PCDHGA1: variants seen among roughly 807,000 people sequenced by gnomAD.
The protein encoded by PCDHGA1 is protocadherin gamma-A1.
In PCDHGA1, 32 loss-of-function variants were observed where a neutral mutation model predicts 58.0. The ratio of observed to expected loss-of-function variants is 0.55; its 90% confidence interval spans 0.42 to 0.74. PCDHGA1 has a LOEUF of 0.74. Among genes scored for constraint, PCDHGA1 ranks in the 30% least tolerant of loss-of-function variants. PCDHGA1 has a pLI of 0.00. For missense variants in PCDHGA1, 1,205 were observed against 1,182.3 expected, an observed-to-expected ratio of 1.02 and a Z score of -0.28; for synonymous variants, 498 against 501.1, an observed-to-expected ratio of 0.99 and a Z score of 0.08.
At chr5:141,372,044 GT>G in intron 1 of PCDHGA1, 1 of 1,613,502 alleles carries the variant, frequency 6.2e-7, no homozygotes, top group Non-Finnish European at 8.5e-7. Context: ...GCCTGCGCGT[GT>G]TGGTGGACGA....
chr5:141,406,877 A>T (rs4912750), intron 1 of PCDHGA1, among the ~76,000 whole-genome samples: 9,155 of 152,322 alleles, frequency 0.06, 381 homozygotes, highest in Non-Finnish European at 0.089. Flanking sequence ...ACTGCTGGGA[A>T]GATTCTAAAA....
At chr5:141,500,185 TTTA>T (rs549090582) in intron 2 of PCDHGA1, among the ~76,000 whole-genome samples, 1 of 55,104 alleles carries the variant, frequency 1.8e-5, no homozygotes, top group Non-Finnish European at 3.2e-5. Flanking sequence ...CATTTTTATT[TTTA>T]TTTATTTATT....
At chr5:141,371,369 A>C (rs1370186119) in intron 1 of PCDHGA1, 3 of 1,614,014 alleles carry the variant, frequency 1.9e-6, no homozygotes, top group Non-Finnish European at 2.5e-6. Context: ...AGGATGGTGG[A>C]CATCACACTG....
At chr5:141,441,308 C>T (rs984341964) in intron 1 of PCDHGA1, 2 of 152,164 alleles carry the variant, frequency 1.3e-5, no homozygotes, top group African/African-American at 2.4e-5. Flanking sequence ...TAAGAAAATG[C>T]ACCTTGAGAA....
intron 1 of PCDHGA1, chr5:141,355,087 C>T (rs1052813011): frequency 1.4e-6 from 2 of 1,455,264 alleles, no homozygotes; most frequent in Non-Finnish European, 1.8e-6. Context: ...CAAGCGGAAG[C>T]CCTGAGAGCT....
At chr5:141,359,151 T>G (rs1761131965) in intron 1 of PCDHGA1, among the ~76,000 whole-genome samples, 1 of 152,200 alleles carries the variant, frequency 6.6e-6, no homozygotes, top group East Asian at 1.9e-4. Flanking sequence ...GAATATGATA[T>G]GATGCAGTTA....
chr5:141,410,018 T>C (rs773806211), intron 1 of PCDHGA1: 1 of 1,613,166 alleles, frequency 6.2e-7, no homozygotes, highest in African/African-American at 1.3e-5. Context: ...CTGGCTGTCC[T>C]ACCACGTGCT....
At chr5:141,361,023 A>C (rs1171139053) in intron 1 of PCDHGA1, 1 of 1,613,384 alleles carries the variant, frequency 6.2e-7, no homozygotes. Flanking sequence ...ACTTAAATGA[A>C]AAAACAGGAG....
Position 141,493,957 on chromosome 5 carries a change from G to A in PCDHGA1, c.2422-850G>A, listed in dbSNP as rs1360777586. 6.6e-6 allele frequency among the ~76,000 whole-genome samples: 1 copy of A among 152,228 alleles called. No individual in the cohort carries two copies. The highest frequency in any genetic ancestry group is 2.4e-5 in the African/African-American group (1 of 41,458). On this transcript the variant is annotated intron_variant, in intron 1 of 3. Coordinates refer to ENST00000517417, the MANE Select transcript of PCDHGA1 (RefSeq NM_018912.3). This position sits in a 1 kb window ranked among gnomAD's most constrained non-coding sequence, Gnocchi z 4.3. ...AGACCAGAAGGGACTCAGGAATGAA[G>A]TGGCTGGCCAGAGCCCCACACCTTC... is the stretch of plus-strand genomic sequence containing the variant.
intron 1 of PCDHGA1, chr5:141,375,132 CA>C (rs1265573516): frequency 6.2e-7 from 1 of 1,613,834 alleles, no homozygotes; most frequent in Non-Finnish European, 8.5e-7. Context: ...GTGGTTGTTA[CA>C]TCTGGAAGCA....
chr5:141,477,854 C>T lies in PCDHGA1; in HGVS notation c.2422-16953C>T. Reference sequence around the variant, plus strand: ...GCCAGGTGGGAGCTCGGTGGAGATGCTGCCTCGAGGTACCTCAGCTGGCCA... The same window carrying T: ...GCCAGGTGGGAGCTCGGTGGAGATGTTGCCTCGAGGTACCTCAGCTGGCCA... On this transcript the variant is annotated intron_variant, in intron 1 of 3. Transcript: ENST00000517417. This position sits in a 1 kb window ranked among gnomAD's most constrained non-coding sequence, Gnocchi z 4.9. 1.9e-6 allele frequency: 3 copies of T among 1,614,098 alleles called. No individual in the cohort carries two copies. The South Asian group carries it at 3.3e-5, about 18-fold the overall frequency.
rs547484104 is a variant in PCDHGA1, at chr5:141,350,552, G to A, written c.2421+17447G>A. ...AGAGAAGATTTGCGGAAGGAAACTT[G>A]AGTGTGCACTAGAATTCGAAACGGT... On this transcript the variant is annotated intron_variant, in intron 1 of 3. Coordinates refer to ENST00000517417, the MANE Select transcript of PCDHGA1 (RefSeq NM_018912.3). 18 of 1,614,064 alleles carry A rather than the reference G, an allele frequency of 1.1e-5. No individual in the cohort carries two copies. The Admixed American group carries it at 1.2e-4, about 10-fold the overall frequency.
chr5:141,432,659 G>A lies in PCDHGA1; in HGVS notation c.2422-62148G>A. On this transcript the variant is annotated intron_variant, in intron 1 of 3. Coordinates refer to ENST00000517417, the MANE Select transcript of PCDHGA1 (RefSeq NM_018912.3). This position sits in a 1 kb window ranked among gnomAD's most constrained non-coding sequence, Gnocchi z 6.0. ...GGTGCGCACGGCGCGAGCCCTGCTG[G>A]ACAGAGACGCGCTCAAGCAGAGCCT... 1 of 1,613,884 alleles carries A rather than the reference G, an allele frequency of 6.2e-7. No homozygotes were observed. The highest frequency in any genetic ancestry group is 8.5e-7 in the Non-Finnish European group (1 of 1,179,956).
intron 1 of PCDHGA1, chr5:141,370,863 G>A (rs755596039): frequency 6.2e-7 from 1 of 1,614,050 alleles, no homozygotes; most frequent in Non-Finnish European, 8.5e-7. Context: ...CCTGGAATCT[G>A]CGCAAGATCC....
chr5:141,355,692 A>C (rs1561509462), intron 1 of PCDHGA1: 1 of 1,614,008 alleles, frequency 6.2e-7, no homozygotes, highest in East Asian at 2.2e-5. Flanking sequence ...ATGTAGGTGT[A>C]AACTCCCTGC....
At chr5:141,367,450 T>C (rs1038206449) in intron 1 of PCDHGA1, 8 of 152,070 alleles carry the variant, frequency 5.3e-5, no homozygotes, top group African/African-American at 1.4e-4. Flanking sequence ...GGCAGGAGAA[T>C]GGGGTGAACC....
chr5:141,475,731 C>T (rs991175739), intron 1 of PCDHGA1, among the ~76,000 whole-genome samples: 1 of 152,248 alleles, frequency 6.6e-6, no homozygotes, highest in African/African-American at 2.4e-5. Context: ...GGCTGGCTTT[C>T]CCTAAGGTAG....
At chr5:141,338,529 A>G (rs1756760062) in intron 1 of PCDHGA1, among the ~76,000 whole-genome samples, 1 of 152,242 alleles carries the variant, frequency 6.6e-6, no homozygotes, top group South Asian at 2.1e-4. Context: ...AACTATTATC[A>G]AGATCATGTT....
At position 141,431,968 on chromosome 5, in the gene PCDHGA1, T is replaced by A. The variant is rs571981127; in HGVS notation, c.2422-62839T>A. On this transcript the variant is annotated intron_variant, in intron 1 of 3. Coordinates refer to ENST00000517417, the MANE Select transcript of PCDHGA1 (RefSeq NM_018912.3). The surrounding 1 kb of genome is among the most constrained non-coding windows in gnomAD (Gnocchi z 4.8). Reference sequence around the variant, plus strand: ...AAAAATCTTACGGAAATTACTATAGTTTAGTCACAGACATAGTCTTGGATA... The same window carrying A: ...AAAAATCTTACGGAAATTACTATAGATTAGTCACAGACATAGTCTTGGATA... 1.9e-6 allele frequency: 3 copies of A among 1,614,072 alleles called. No individual in the cohort carries two copies. Among genetic ancestry groups the A allele is most frequent in the Non-Finnish European group, 2.5e-6 (3 of 1,180,014 alleles).
Sources: gnomAD v4.1 joint callset for allele counts (sites outside exome capture counted in the v4.1 genomes callset) on GRCh38, gnomAD v4.1.1 for gene constraint, Gnocchi (gnomAD v3.1) non-coding constraint, MANE v1.5 for transcripts, NCBI Gene and HGNC (gene_info 2026-07-23, HGNC 2026-07-21) for gene names.